The following NAV3 variants were observed in gnomAD, a reference collection of about 807,000 sequenced individuals.
NAV3 encodes neuron navigator 3, also known as pore membrane and/or filament interacting like protein 1.
Under a neutral mutation model 244.7 loss-of-function variants are expected in NAV3, and 87 were observed. The ratio of observed to expected loss-of-function variants is 0.36; its 90% CI spans 0.30 to 0.42. The LOEUF (loss-of-function observed/expected upper bound fraction) is 0.42, where lower values mean the gene tolerates loss of function less well. Among genes scored for constraint, NAV3 ranks in the 20% least tolerant of loss-of-function variants. The pLI, the probability that NAV3 is intolerant of heterozygous loss-of-function variation, is 1.00. For synonymous variants in NAV3, 1,126 were observed against 1,042.2 expected, an observed-to-expected ratio of 1.08 and a Z score of -1.55; for missense variants, 2,663 against 2,893.3, an observed-to-expected ratio of 0.92 and a Z score of 1.83.
intron 9 of NAV3, among the ~76,000 whole-genome samples, chr12:78,028,688 G>A (rs1386707416): frequency 6.6e-6 from 1 of 152,084 alleles, no homozygotes; most frequent in Non-Finnish European, 1.5e-5. Context: ...GGATCACCAG[G>A]GACATATTTT....
At position 77,943,754 on chromosome 12, in the gene NAV3, T is replaced by A. The variant is rs114987823; in HGVS notation, c.414+2621T>A. On this transcript the variant is annotated intron_variant, in intron 3 of 39. Transcript: ENST00000397909. ...TAGGACTACTTTGGCCACCTCTTTTTGTATACCTGGTCTCTTGTGGCCTTT... is the reference window on the plus strand; with the variant it reads ...TAGGACTACTTTGGCCACCTCTTTTAGTATACCTGGTCTCTTGTGGCCTTT... Among the ~76,000 whole-genome samples the A allele has an allele frequency of 2.4e-3, 360 of 152,318 alleles. 2 individuals carry two copies. The highest frequency in any genetic ancestry group is 8.0e-3 in the African/African-American group (333 of 41,566).
At chr12:78,006,373 C>G (rs756139811) in intron 7 of NAV3, 46 bp from the exon 8 acceptor site, 17 of 1,539,548 alleles carry the variant, frequency 1.1e-5, no homozygotes, top group Non-Finnish European at 1.4e-5. Flanking sequence ...TATAAATGAT[C>G]AAGATTAATC....
At chr12:78,081,625 G>T (rs772967341) in intron 12 of NAV3, among the ~76,000 whole-genome samples, 8 of 152,088 alleles carry the variant, frequency 5.3e-5, no homozygotes, top group Non-Finnish European at 1.2e-4. Context: ...ATGTAAATAG[G>T]CAGGGGCAAA....
At position 78,095,716 on chromosome 12, in the gene NAV3, G is replaced by C. The variant is rs80014007; in HGVS notation, c.2637-21056G>C. Reference sequence around the variant, plus strand: ...AGGAAATAAAGATCCAGTTGAGCTTGTTGGCCAGTTGGATAGAGGTTGAGG... The same window carrying C: ...AGGAAATAAAGATCCAGTTGAGCTTCTTGGCCAGTTGGATAGAGGTTGAGG... On this transcript the variant is annotated intron_variant, in intron 12 of 39. Coordinates refer to ENST00000397909, the MANE Select transcript of NAV3 (RefSeq NM_001024383.2). Among the ~76,000 whole-genome samples the C allele has an allele frequency of 1.5e-3, 221 of 152,292 alleles. 6 individuals carry two copies. The East Asian group carries it at 0.039, about 27-fold the overall frequency.
chr12:77,688,333 G>C (rs984161173), intron 2 of NAV3, among the ~76,000 whole-genome samples: 4 of 151,952 alleles, frequency 2.6e-5, no homozygotes, highest in Non-Finnish European at 5.9e-5. Flanking sequence ...GGTTAGACAT[G>C]CTTACTATAT....
Position 78,122,028 on chromosome 12 carries a change from A to G in NAV3, c.3838A>G (p.Thr1280Ala), listed in dbSNP as rs952986182. Residue 1280 changes from threonine (T) to alanine (A), a missense_variant, in exon 16 of 40, where the codon ACC becomes GCC. Physicochemically the swap from Thr to Ala is moderately conservative, Grantham distance 58. Around this residue, in one of 6 missense-constraint regions of NAV3, gnomAD observed 354 missense variants for 413.0 expected, o/e 0.86. Transcript: ENST00000397909. ...KSSSVMPSPS[T>A]TLARQGSLES... The stretch of plus-strand genomic sequence containing the variant: ...TTCCTCAGTAATGCCCAGCCCTAGT[A>G]CCACATTAGCGCGGCAAGGCAGTCT... 6.2e-7 allele frequency: 1 copy of G among 1,614,090 alleles called. No homozygotes were observed. Among genetic ancestry groups the G allele is most frequent in the East Asian group, 2.2e-5 (1 of 44,884 alleles).
chr12:77,975,581 A>G (rs898820685), intron 5 of NAV3, among the ~76,000 whole-genome samples: 1 of 152,218 alleles, frequency 6.6e-6, no homozygotes, highest in Admixed American at 6.5e-5. Flanking sequence ...TTGTCGGTGA[A>G]TATCTCAGGG....
chr12:77,656,730 T>G (rs1485322063), intron 2 of NAV3, among the ~76,000 whole-genome samples: 1 of 149,612 alleles, frequency 6.7e-6, no homozygotes, highest in Non-Finnish European at 1.5e-5. Flanking sequence ...TCAGCAAATG[T>G]AAAAGAACAG....
chr12:77,581,394 G>A (rs917833667), intron 2 of NAV3, among the ~76,000 whole-genome samples: 2 of 151,964 alleles, frequency 1.3e-5, no homozygotes, highest in Non-Finnish European at 2.9e-5. Flanking sequence ...ATCTTTCATG[G>A]GATGAACTAT....
chr12:78,096,809 T>C (rs1954277367), intron 12 of NAV3, among the ~76,000 whole-genome samples: 1 of 152,116 alleles, frequency 6.6e-6, no homozygotes, highest in African/African-American at 2.4e-5. Context: ...TCTTTGTTAC[T>C]GGGTACCATA....
intron 2 of NAV3, among the ~76,000 whole-genome samples, chr12:77,730,485 A>T (rs532762323): frequency 1.3e-5 from 2 of 152,052 alleles, no homozygotes; most frequent in African/African-American, 4.8e-5. Flanking sequence ...CATAATAGGT[A>T]AGAAAATTGA....
chr12:78,144,851 G>A (rs1421375924), intron 20 of NAV3, among the ~76,000 whole-genome samples: 1 of 144,834 alleles, frequency 6.9e-6, no homozygotes, highest in Non-Finnish European at 1.5e-5. Flanking sequence ...GGCCGGGCAC[G>A]GTGGGCTACA....
At position 77,782,375 on chromosome 12, in the gene NAV3, G is replaced by A. The variant is rs146671129; in HGVS notation, c.73-157944G>A. On this transcript the variant is annotated intron_variant, in intron 2 of 8. Transcript: ENST00000550042. ...TCTTCCTTCTTTTCTTTCTTTTGAT[G>A]TAGGTCTTCCATTTCTTTTAAAAAA... is the stretch of plus-strand genomic sequence containing the variant. Among the ~76,000 whole-genome samples, 114 of 135,548 alleles carry A rather than the reference G, an allele frequency of 8.4e-4. 1 individual carries two copies. The highest frequency in any genetic ancestry group is 3.0e-3 in the African/African-American group (110 of 36,388). The allele number at this position is 135,548 out of a possible 152,430, so 88.9% of individuals were successfully genotyped here.
intron 2 of NAV3, among the ~76,000 whole-genome samples, chr12:77,583,287 G>A (rs894683170): frequency 6.6e-6 from 1 of 152,120 alleles, no homozygotes; most frequent in Non-Finnish European, 1.5e-5. Flanking sequence ...ATATTGTTAG[G>A]TACGATGTAG....
chr12:77,754,026 A>G (rs532049928), intron 2 of NAV3, among the ~76,000 whole-genome samples: 1 of 152,272 alleles, frequency 6.6e-6, no homozygotes, highest in South Asian at 2.1e-4. Context: ...GGTATGCCCA[A>G]GTTTGTTTCA....
At chr12:77,910,045 A>G (rs527814145) in intron 1 of NAV3, among the ~76,000 whole-genome samples, 2 of 152,292 alleles carry the variant, frequency 1.3e-5, no homozygotes, top group South Asian at 2.1e-4. Flanking sequence ...CTCTCAAGGC[A>G]TACTTAAAAT....
At chr12:77,689,314 AAG>A (rs1874898297) in intron 2 of NAV3, among the ~76,000 whole-genome samples, 1 of 151,926 alleles carries the variant, frequency 6.6e-6, no homozygotes, top group African/African-American at 2.4e-5. Flanking sequence ...TGAATGAATC[AAG>A]ATGAGCTCAT....
chr12:77,912,126 C>CA (rs1489261585), intron 1 of NAV3, among the ~76,000 whole-genome samples: 1 of 151,938 alleles, frequency 6.6e-6, no homozygotes, highest in Non-Finnish European at 1.5e-5. Context: ...TTGTGCCTAC[C>CA]AAAAAAGATG....
intron 7 of NAV3, among the ~76,000 whole-genome samples, chr12:78,005,208 G>A (rs1416783877): frequency 6.6e-6 from 1 of 152,082 alleles, no homozygotes; most frequent in African/African-American, 2.4e-5. Context: ...GAGAAAAAAT[G>A]ACATTAGGGG....
Sources: gnomAD v4.1 joint callset for allele counts (sites outside exome capture counted in the v4.1 genomes callset) on GRCh38, gnomAD v4.1.1 for gene constraint, gnomAD v4.1.1 regional missense constraint, MANE v1.5 for transcripts, NCBI Gene and HGNC (gene_info 2026-07-23, HGNC 2026-07-21) for gene names.